GABBR2: variants seen among roughly 807,000 people sequenced by gnomAD.
GABBR2 encodes G-protein coupled receptor 51.
GABBR2 carries 23 observed loss-of-function variants against 105.6 expected under a neutral mutation model. The observed-to-expected ratio is 0.22, with a 90% confidence interval of 0.16 to 0.31. The LOEUF (loss-of-function observed/expected upper bound fraction) is 0.31, where lower values mean the gene tolerates loss of function less well. Ranked by LOEUF, GABBR2 falls within the 10% of genes least tolerant of loss-of-function variation. GABBR2 has a pLI of 1.00. For missense variants in GABBR2, 734 were observed against 1,245.5 expected, an observed-to-expected ratio of 0.59 and a Z score of 6.18; for synonymous variants, 478 against 499.7, an observed-to-expected ratio of 0.96 and a Z score of 0.58.
rs1564005044 is a variant in GABBR2, at chr9:98,293,785, T to A, written c.2660A>T (p.His887Leu). 1 of 1,472,946 alleles carries A rather than the reference T, an allele frequency of 6.8e-7. No individual in the cohort carries two copies. Among genetic ancestry groups the A allele is most frequent in the East Asian group, 2.3e-5 (1 of 44,216 alleles). 91.2% of individuals were successfully genotyped at this position (1,472,946 alleles called of 1,614,324 possible). A position where few individuals can be genotyped will look rare whatever the true frequency, so the allele number is the denominator to read the frequency against. ...TAATTCTCAAGGAGAAGGTACTTAC[T>A]GTTCTGGAGAGTTTATATCTTCTAT... is the stretch of plus-strand genomic sequence containing the variant. The part of the protein sequence containing the change: ...DPIEDINSPE[H>L]IQRRLSLQLP... Residue 887 changes from histidine (H) to leucine (L), a missense_variant and splice_region_variant, in exon 18 of 19, where the codon CAC becomes CTC. Around this residue, in one of 7 missense-constraint regions of GABBR2, gnomAD observed 134 missense variants for 171.2 expected, o/e 0.78. Coordinates refer to ENST00000259455, the MANE Select transcript of GABBR2 (RefSeq NM_005458.8).
intron 13 of GABBR2, among the ~76,000 whole-genome samples, chr9:98,332,516 C>A (rs1424321178): frequency 6.6e-6 from 1 of 152,198 alleles, no homozygotes; most frequent in Non-Finnish European, 1.5e-5. Context: ...TTAAGTCACT[C>A]ACCCAAGGTC....
At position 98,299,333 on chromosome 9, in the gene GABBR2, C is replaced by T. The variant is rs778670012; in HGVS notation, c.2433G>A (p.Glu811=). ...GTGTGTCCTGCAGCTGCATGGTGAC[C>T]TCTTCCAAGTCTTTATCCAGCTACA... The part of the protein sequence containing the change: ...KITELDKDLE[E]VTMQLQDTPE... The change falls in exon 17 of 19, where the codon GAG becomes GAA. Residue 811 remains glutamate (E), a synonymous_variant. Coordinates refer to ENST00000259455, the MANE Select transcript of GABBR2 (RefSeq NM_005458.8). The T allele has an allele frequency of 6.2e-7, 1 of 1,613,918 alleles. No individual in the cohort carries two copies. The highest frequency in any genetic ancestry group is 8.5e-7 in the Non-Finnish European group (1 of 1,179,898).
At chr9:98,378,497 A>G (rs1831917514) in intron 11 of GABBR2, among the ~76,000 whole-genome samples, 1 of 152,176 alleles carries the variant, frequency 6.6e-6, no homozygotes, top group African/African-American at 2.4e-5. Context: ...CATTTATCTT[A>G]CACAATCAGT....
intron 6 of GABBR2, among the ~76,000 whole-genome samples, chr9:98,472,658 G>T (rs1180009010): frequency 6.6e-6 from 1 of 152,204 alleles, no homozygotes; most frequent in Non-Finnish European, 1.5e-5. Flanking sequence ...AGAAGCAGAG[G>T]CTTGGAGAAC....
chr9:98,595,872 C>T (rs976178568), intron 1 of GABBR2, among the ~76,000 whole-genome samples: 3 of 152,086 alleles, frequency 2.0e-5, no homozygotes, highest in African/African-American at 7.2e-5. Flanking sequence ...CCTCCCACAG[C>T]CATAAGTCCT....
At chr9:98,391,728 A>G (rs1832184500) in intron 9 of GABBR2, among the ~76,000 whole-genome samples, 1 of 152,124 alleles carries the variant, frequency 6.6e-6, no homozygotes, top group South Asian at 2.1e-4. Flanking sequence ...GTTGGGGGGA[A>G]TCTGAGAGAG....
intron 7 of GABBR2, among the ~76,000 whole-genome samples, chr9:98,424,323 G>A (rs1033409098): frequency 2.0e-5 from 3 of 151,922 alleles, no homozygotes; most frequent in African/African-American, 7.2e-5. Context: ...GTATTGATGG[G>A]ACGTATCTCA....
chr9:98,381,256 C>G (rs1422655393), intron 11 of GABBR2, among the ~76,000 whole-genome samples: 1 of 152,228 alleles, frequency 6.6e-6, no homozygotes, highest in Non-Finnish European at 1.5e-5. Flanking sequence ...GGTTAAGTCA[C>G]TTGCTGCAGT....
intron 7 of GABBR2, among the ~76,000 whole-genome samples, chr9:98,451,689 A>T (rs1363599994): frequency 1.3e-5 from 2 of 152,182 alleles, no homozygotes; most frequent in Non-Finnish European, 1.5e-5. Flanking sequence ...CAGATGATGC[A>T]GACCACACTT....
At chr9:98,505,703 G>C (rs1286708829) in intron 3 of GABBR2, among the ~76,000 whole-genome samples, 1 of 152,130 alleles carries the variant, frequency 6.6e-6, no homozygotes, top group East Asian at 1.9e-4. Flanking sequence ...AGACATGAAG[G>C]GGAAGTCCAC....
intron 1 of GABBR2, among the ~76,000 whole-genome samples, chr9:98,693,061 C>T (rs1298788837): frequency 6.6e-6 from 1 of 152,204 alleles, no homozygotes; most frequent in Non-Finnish European, 1.5e-5. Flanking sequence ...GTTGATAGAT[C>T]AGCGAGTGTT....
chr9:98,552,596 T>C (rs998989152), intron 2 of GABBR2, among the ~76,000 whole-genome samples: 1 of 152,098 alleles, frequency 6.6e-6, no homozygotes, highest in African/African-American at 2.4e-5. Context: ...GCCGGTGAGA[T>C]TAATGTGATG....
At chr9:98,518,492 A>C (rs1827804258) in intron 3 of GABBR2, among the ~76,000 whole-genome samples, 1 of 152,150 alleles carries the variant, frequency 6.6e-6, no homozygotes, top group Admixed American at 6.5e-5. Context: ...TTACCCTTTA[A>C]GCCCTATGGT....
chr9:98,610,707 TC>T (rs1468321824), intron 1 of GABBR2, among the ~76,000 whole-genome samples: 1 of 151,562 alleles, frequency 6.6e-6, no homozygotes, highest in Non-Finnish European at 1.5e-5. Flanking sequence ...GGATTGGTTT[TC>T]CCCCAGGGCC....
At chr9:98,634,044 C>T (rs2131830788) in intron 1 of GABBR2, among the ~76,000 whole-genome samples, 1 of 152,288 alleles carries the variant, frequency 6.6e-6, no homozygotes. Flanking sequence ...GCTGAGTGGC[C>T]TAGAGGCAGA....
intron 7 of GABBR2, among the ~76,000 whole-genome samples, chr9:98,423,385 T>C (rs1832818848): frequency 6.6e-6 from 1 of 152,260 alleles, no homozygotes; most frequent in Non-Finnish European, 1.5e-5. Context: ...TTTTCATGTG[T>C]CTTTGGCTGC....
chr9:98,465,121 T>TAAAAAAAAAAAAAAAA (rs57747633), intron 6 of GABBR2, among the ~76,000 whole-genome samples: 15 of 22,000 alleles, frequency 6.8e-4, no homozygotes, highest in South Asian at 2.9e-3. Flanking sequence ...CAATAAATAC[T>TAAAAAAAAAAAAAAAA]AAAAAAAAAA....
intron 2 of GABBR2, among the ~76,000 whole-genome samples, chr9:98,546,282 TTTTG>T (rs1305403482): frequency 2.6e-5 from 4 of 152,246 alleles, no homozygotes; most frequent in Admixed American, 1.3e-4. Flanking sequence ...CGCTTTGTAT[TTTTG>T]TTTACTTGAT....
chr9:98,471,175 C>G (rs1826666249), intron 6 of GABBR2, among the ~76,000 whole-genome samples: 1 of 152,208 alleles, frequency 6.6e-6, no homozygotes. Flanking sequence ...GTAACTTTAA[C>G]AATCTCGTAA....
Sources: gnomAD v4.1 joint callset for allele counts (sites outside exome capture counted in the v4.1 genomes callset) on GRCh38, gnomAD v4.1.1 for gene constraint, gnomAD v4.1.1 regional missense constraint, MANE v1.5 for transcripts, NCBI Gene and HGNC (gene_info 2026-07-23, HGNC 2026-07-21) for gene names.